The following SYT1 variants were observed in gnomAD, a reference collection of about 807,000 sequenced individuals.
The protein encoded by SYT1 is synaptotagmin-1.
Under a neutral mutation model 44.8 loss-of-function variants are expected in SYT1, and 8 were observed. That is an observed-to-expected ratio of 0.18 (90% CI 0.10 to 0.32). The LOEUF is 0.32. Ranked by LOEUF, SYT1 falls within the 10% of genes least tolerant of loss-of-function variation. SYT1 has a pLI of 1.00. For missense variants in SYT1, 286 were observed against 509.3 expected, an observed-to-expected ratio of 0.56 and a Z score of 4.22; for synonymous variants, 154 against 188.8, an observed-to-expected ratio of 0.82 and a Z score of 1.51.
At chr12:79,386,389 A>G (rs376102339) in intron 9 of SYT1, among the ~76,000 whole-genome samples, 1 of 150,620 alleles carries the variant, frequency 6.6e-6, no homozygotes. Flanking sequence ...TCTGGGGTAC[A>G]TGTGCACAAC....
In SYT1 at chr12:79,183,234, C is replaced by T. The variant is rs543207020; in HGVS notation, c.-17-34269C>T. 5.9e-5 allele frequency among the ~76,000 whole-genome samples: 9 copies of T among 151,992 alleles called. No homozygotes were observed. In the South Asian group the frequency reaches 1.0e-3, roughly 18 times the overall value. ...CTTACACATGCAGCACCACTCACTT[C>T]GGGAAGAGACAAGTCTTCTGCAGTG... On this transcript the variant is annotated intron_variant, in intron 3 of 10. Coordinates refer to ENST00000261205, the MANE Select transcript of SYT1 (RefSeq NM_005639.3).
chr12:79,251,010 A>G (rs1877178780), intron 4 of SYT1, among the ~76,000 whole-genome samples: 1 of 152,120 alleles, frequency 6.6e-6, no homozygotes, highest in Admixed American at 6.5e-5. Flanking sequence ...ATGTGACAGC[A>G]TTGTACTCAA....
At chr12:79,306,071 A>G (rs1304295073) in intron 8 of SYT1, among the ~76,000 whole-genome samples, 1 of 152,088 alleles carries the variant, frequency 6.6e-6, no homozygotes, top group Non-Finnish European at 1.5e-5. Context: ...TTCTCTCTAC[A>G]CTGCCATATT....
chr12:78,961,563 T>C (rs1404782390), intron 1 of SYT1, among the ~76,000 whole-genome samples: 1 of 152,134 alleles, frequency 6.6e-6, no homozygotes, highest in African/African-American at 2.4e-5. Flanking sequence ...TTTATCTTTG[T>C]AACTATGTCT....
At chr12:79,001,833 C>G (rs542435675) in intron 2 of SYT1, among the ~76,000 whole-genome samples, 3 of 151,656 alleles carry the variant, frequency 2.0e-5, no homozygotes, top group Non-Finnish European at 4.4e-5. Context: ...TGAAGTTTAT[C>G]TTCTGGATAT....
At chr12:79,088,526 C>T (rs549998254) in intron 3 of SYT1, among the ~76,000 whole-genome samples, 7 of 152,030 alleles carry the variant, frequency 4.6e-5, no homozygotes, top group Non-Finnish European at 8.8e-5. Context: ...TAAAAAGAAA[C>T]GAAGTTGAAA....
intron 1 of SYT1, among the ~76,000 whole-genome samples, chr12:78,953,511 A>G (rs1879069501): frequency 6.6e-6 from 1 of 152,100 alleles, no homozygotes; most frequent in Admixed American, 6.6e-5. Context: ...TCATCGCCCA[A>G]TCCTAAAGTC....
At chr12:78,997,252 T>C (rs1327059578) in intron 2 of SYT1, among the ~76,000 whole-genome samples, 1 of 152,210 alleles carries the variant, frequency 6.6e-6, no homozygotes, top group African/African-American at 2.4e-5. Flanking sequence ...GTGGGAATCA[T>C]TGCTATAGAC....
intron 8 of SYT1, among the ~76,000 whole-genome samples, chr12:79,306,131 C>T (rs1880387094): frequency 6.6e-6 from 1 of 152,182 alleles, no homozygotes; most frequent in African/African-American, 2.4e-5. Context: ...TCTACTTAGG[C>T]CCAGCACATT....
At chr12:79,192,703 G>T (rs895752906) in intron 3 of SYT1, among the ~76,000 whole-genome samples, 7 of 152,062 alleles carry the variant, frequency 4.6e-5, no homozygotes, top group Admixed American at 2.6e-4. Context: ...CTCACTTAGG[G>T]GCCAGCCTTG....
At chr12:79,310,801 A>T (rs1374365555) in intron 8 of SYT1, among the ~76,000 whole-genome samples, 1 of 152,178 alleles carries the variant, frequency 6.6e-6, no homozygotes, top group African/African-American at 2.4e-5. Context: ...TTCACTCATA[A>T]TTTGGCTCTC....
rs12296486 is a variant in SYT1 at position 79,356,796 on chromosome 12, C to G, written c.928+3177C>G. On this transcript the variant is annotated intron_variant, in intron 9 of 10. Coordinates refer to ENST00000261205, the MANE Select transcript of SYT1 (RefSeq NM_005639.3). ...TAATGAGAGGACTTTGTTGATGATG[C>G]TATGAGAAATAAATGAAAGCACAGG... Among the ~76,000 whole-genome samples the G allele has an allele frequency of 8.2e-3, 1,255 of 152,172 alleles. 21 individuals carry two copies. The highest frequency in any genetic ancestry group is 0.029 in the African/African-American group (1,204 of 41,524).
rs1382170714 is a variant in SYT1 at position 79,179,145 on chromosome 12, TAG to T, written c.-17-38356_-17-38355del. Among the ~76,000 whole-genome samples, 255 of 116,956 alleles carry T rather than the reference TAG, an allele frequency of 2.2e-3. 56 individuals carry two copies. Among genetic ancestry groups the T allele is most frequent in the African/African-American group, 7.4e-3 (214 of 28,926 alleles). The allele number at this position is 116,956 out of a possible 152,430, so 76.7% of individuals were successfully genotyped here. A position where few individuals can be genotyped will look rare whatever the true frequency, so the allele number is the denominator to read the frequency against. On this transcript the variant is annotated intron_variant, in intron 3 of 10. Transcript: ENST00000261205. ...AGATATAGATATATAGATATAGATA[TAG>T]ATATATAGATATATAGATATAGATA...
intron 4 of SYT1, among the ~76,000 whole-genome samples, chr12:79,219,865 AC>A (rs577869414): frequency 1.3e-5 from 2 of 152,044 alleles, no homozygotes; most frequent in Non-Finnish European, 2.9e-5. Flanking sequence ...GTGGTTCCAT[AC>A]AAATTTTTAT....
At chr12:79,179,514 TATATCTATATAGATATAGATATAG>T (rs1872353261) in intron 3 of SYT1, among the ~76,000 whole-genome samples, 1 of 71,290 alleles carries the variant, frequency 1.4e-5, no homozygotes, top group Non-Finnish European at 2.5e-5. Context: ...TAGATATAGA[TATATCTATATAGATATAGATATAG>T]ATATAGAGAT....
intron 3 of SYT1, among the ~76,000 whole-genome samples, chr12:79,151,513 C>A (rs923687991): frequency 1.3e-5 from 2 of 152,076 alleles, no homozygotes; most frequent in Non-Finnish European, 2.9e-5. Flanking sequence ...TGAAGAGAGT[C>A]GGCCATTAAT....
intron 9 of SYT1, among the ~76,000 whole-genome samples, chr12:79,423,049 T>C (rs145978284): frequency 2.0e-3 from 307 of 152,194 alleles, no homozygotes; most frequent in African/African-American, 6.2e-3. Context: ...CTGAAGACTA[T>C]AGTGAGGTCT....
intron 3 of SYT1, among the ~76,000 whole-genome samples, chr12:79,144,864 G>A (rs1869779324): frequency 6.6e-6 from 1 of 152,134 alleles, no homozygotes; most frequent in South Asian, 2.1e-4. Flanking sequence ...TAGCCTGAAG[G>A]CACTTTCTAA....
At chr12:79,311,673 G>A (rs1478540662) in intron 8 of SYT1, among the ~76,000 whole-genome samples, 13 of 131,242 alleles carry the variant, frequency 9.9e-5, no homozygotes, top group East Asian at 6.6e-4. Context: ...ATACACCATG[G>A]AATACTATGC....
Sources: gnomAD v4.1 joint callset for allele counts (sites outside exome capture counted in the v4.1 genomes callset) on GRCh38, gnomAD v4.1.1 for gene constraint, MANE v1.5 for transcripts, NCBI Gene and HGNC (gene_info 2026-07-23, HGNC 2026-07-21) for gene names.